Variants in SPIN1 observed in about 807,000 individuals in gnomAD.
The protein encoded by SPIN1 is spindlin-1.
Under a neutral mutation model 26.0 loss-of-function variants are expected in SPIN1, and 3 were observed. The ratio of observed to expected loss-of-function variants is 0.12; its 90% CI spans 0.05 to 0.30. The LOEUF (loss-of-function observed/expected upper bound fraction) is 0.30. SPIN1 is among the 10% of genes least tolerant of loss of function. SPIN1 has a pLI of 1.00. For synonymous variants in SPIN1, 101 were observed against 116.5 expected (o/e 0.87, Z 0.86); for missense variants, 126 against 333.4 (o/e 0.38, Z 4.84).
intron 1 of SPIN1, among the ~76,000 whole-genome samples, chr9:88,426,169 C>T (rs1827761965): frequency 6.6e-6 from 1 of 152,238 alleles, no homozygotes; most frequent in Non-Finnish European, 1.5e-5. Context: ...GCACATGTCC[C>T]AGGCTTCTTT....
In SPIN1 at chr9:88,426,556, G is replaced by A. The variant is rs1235992494; in HGVS notation, c.17G>A (p.Gly6Glu). The change falls in exon 2 of 6, where the codon GGA (glycine) becomes GAA (glutamate). Residue 6 changes from glycine (G) to glutamate (E), a missense_variant. Transcript: ENST00000375859. MKTPF[G>E]KTPGQRSRAD... ...TACAGATGAATGAAGACCCCATTCG[G>A]AAAGACACCTGGCCAGCGGTCCAGA... The A allele has an allele frequency of 6.2e-7, 1 of 1,613,610 alleles. No homozygotes were observed. Among genetic ancestry groups the A allele is most frequent in the African/African-American group, 1.3e-5 (1 of 74,926 alleles).
At chr9:88,390,868 C>G (rs1423593396) in intron 1 of SPIN1, among the ~76,000 whole-genome samples, 2 of 152,030 alleles carry the variant, frequency 1.3e-5, no homozygotes, top group African/African-American at 4.8e-5. Flanking sequence ...TTTTTTAAAG[C>G]TACTCAAATA....
intron 2 of SPIN1, among the ~76,000 whole-genome samples, chr9:88,431,246 G>A (rs1414774299): frequency 6.6e-6 from 1 of 150,654 alleles, no homozygotes; most frequent in African/African-American, 2.4e-5. Context: ...AGATGCTCAT[G>A]TACCTACTAC....
chr9:88,443,558 A>G (rs988617478), intron 2 of SPIN1, among the ~76,000 whole-genome samples: 3 of 152,178 alleles, frequency 2.0e-5, no homozygotes, highest in African/African-American at 7.2e-5. Context: ...TTCCCTGCCT[A>G]GTTGAGTCTG....
intron 5 of SPIN1, among the ~76,000 whole-genome samples, chr9:88,471,908 G>A (rs1219357901): frequency 6.6e-6 from 1 of 151,426 alleles, no homozygotes; most frequent in African/African-American, 2.4e-5. Context: ...TCGGCTCATT[G>A]CAACCTCCGC....
chr9:88,394,141 G>T (rs1826999628), intron 1 of SPIN1, among the ~76,000 whole-genome samples: 1 of 152,222 alleles, frequency 6.6e-6, no homozygotes, highest in Non-Finnish European at 1.5e-5. Context: ...GAGCCACCAT[G>T]TGTGGCTTTA....
At chr9:88,432,651 T>G (rs1211123192) in intron 2 of SPIN1, among the ~76,000 whole-genome samples, 1 of 150,366 alleles carries the variant, frequency 6.7e-6, no homozygotes. Flanking sequence ...GCCCAGCTAA[T>G]TTTTTCTTTT....
chr9:88,424,427 G>A (rs1827727485), intron 1 of SPIN1, among the ~76,000 whole-genome samples: 1 of 152,102 alleles, frequency 6.6e-6, no homozygotes, highest in African/African-American at 2.4e-5. Context: ...AAGGGATTTG[G>A]GTTAGGGTTT....
In SPIN1 at chr9:88,478,573, C is replaced by T. The variant is rs546330131; in HGVS notation, c.*3296C>T. 4 of 152,178 alleles carry T rather than the reference C, an allele frequency of 2.6e-5. No homozygotes were observed. The highest frequency in any genetic ancestry group is 3.4e-3 in the Middle Eastern group (1 of 294). 9.4% of individuals were successfully genotyped at this position (152,178 alleles called of 1,614,324 possible). A position where few individuals can be genotyped will look rare whatever the true frequency, so the allele number is the denominator to read the frequency against. ...ATTTTATACAATGTGTAGACAGTTC[C>T]CTGTTCTCTGCATTTAGAAGTATAC... On this transcript the variant is annotated 3_prime_UTR_variant, in exon 6 of 6. Transcript: ENST00000375859.
At chr9:88,454,896 C>G (rs1275778683) in intron 3 of SPIN1, among the ~76,000 whole-genome samples, 2 of 152,180 alleles carry the variant, frequency 1.3e-5, no homozygotes, top group Non-Finnish European at 2.9e-5. Flanking sequence ...GTATATTATT[C>G]TAATTACTCG....
At chr9:88,447,765 C>T (rs1009085715) in intron 2 of SPIN1, among the ~76,000 whole-genome samples, 6 of 152,192 alleles carry the variant, frequency 3.9e-5, no homozygotes, top group South Asian at 2.1e-4. Flanking sequence ...CCCTTCCCAA[C>T]GCTACACTGA....
chr9:88,399,136 A>AT (rs1236809559), intron 1 of SPIN1, among the ~76,000 whole-genome samples: 9 of 149,920 alleles, frequency 6.0e-5, no homozygotes, highest in African/African-American at 2.2e-4. Context: ...GGTTCAAGCG[A>AT]TTCTCCTGCC....
At chr9:88,407,911 C>T (rs550589578) in intron 1 of SPIN1, among the ~76,000 whole-genome samples, 52 of 151,856 alleles carry the variant, frequency 3.4e-4, no homozygotes, top group African/African-American at 1.2e-3. Flanking sequence ...CAGGCCTGAG[C>T]CACCCCATGC....
At chr9:88,473,577 G>A (rs1003131257) in intron 5 of SPIN1, among the ~76,000 whole-genome samples, 4 of 152,008 alleles carry the variant, frequency 2.6e-5, no homozygotes, top group African/African-American at 7.3e-5. Context: ...ATGCAAGGGC[G>A]TCTGCAATTC....
chr9:88,425,328 CATT>C (rs1228183004), intron 1 of SPIN1, among the ~76,000 whole-genome samples: 6 of 152,070 alleles, frequency 3.9e-5, no homozygotes, highest in Non-Finnish European at 7.3e-5. Context: ...CTCTCTACAT[CATT>C]GAGTGGTGAA....
At chr9:88,450,747 GGA>G (rs1192862000) in intron 3 of SPIN1, among the ~76,000 whole-genome samples, 1 of 148,966 alleles carries the variant, frequency 6.7e-6, no homozygotes, top group East Asian at 1.9e-4. Context: ...GAAATGGAAA[GGA>G]AAAGTTGTGA....
chr9:88,472,112 T>C (rs1337487564), intron 5 of SPIN1, among the ~76,000 whole-genome samples: 1 of 152,122 alleles, frequency 6.6e-6, no homozygotes, highest in Non-Finnish European at 1.5e-5. Context: ...TCCTTTCTTT[T>C]TCAGGAGTGT....
chr9:88,392,418 A>AG (rs1445694939), intron 1 of SPIN1, among the ~76,000 whole-genome samples: 1 of 152,196 alleles, frequency 6.6e-6, no homozygotes, highest in East Asian at 1.9e-4. Flanking sequence ...TCTGTGCTGA[A>AG]GGTATCTGGG....
intron 4 of SPIN1, among the ~76,000 whole-genome samples, chr9:88,466,030 G>A (rs6560092): frequency 0.33 from 50,025 of 152,152 alleles, 15,703 homozygotes; most frequent in African/African-American, 0.83. Context: ...AATTTAAAAT[G>A]CATTGATATA....
Sources: gnomAD v4.1 joint callset for allele counts (sites outside exome capture counted in the v4.1 genomes callset) on GRCh38, gnomAD v4.1.1 for gene constraint, MANE v1.5 for transcripts, NCBI Gene and HGNC (gene_info 2026-07-23, HGNC 2026-07-21) for gene names.